DDC: variants seen among roughly 807,000 people sequenced by gnomAD.
DDC encodes the protein aromatic-L-amino-acid decarboxylase.
DDC carries 43 observed loss-of-function variants against 60.0 expected under a neutral mutation model. The ratio of observed to expected loss-of-function variants is 0.72; its 90% CI spans 0.56 to 0.92. The LOEUF is 0.92. Among genes scored for constraint, DDC ranks in the 40% least tolerant of loss-of-function variants. The probability of loss-of-function intolerance (pLI) is 0.00; values close to 1 mark genes in which losing one functional copy is unlikely to be tolerated. For missense variants in DDC, 573 were observed against 620.2 expected, an observed-to-expected ratio of 0.92 and a Z score of 0.81; for synonymous variants, 232 against 234.6, an observed-to-expected ratio of 0.99 and a Z score of 0.10.
At chr7:50,555,749 C>A (rs2045162854) in intron 1 of DDC, among the ~76,000 whole-genome samples, 2 of 152,166 alleles carry the variant, frequency 1.3e-5, no homozygotes, top group African/African-American at 4.8e-5. Context: ...ACTACTATTA[C>A]TCCCTTTAAC....
intron 6 of DDC, among the ~76,000 whole-genome samples, chr7:50,520,792 T>A (rs1186959671): frequency 6.6e-6 from 1 of 152,094 alleles, no homozygotes. Flanking sequence ...TGCATGCCTG[T>A]AGTCCCAGAT....
intron 1 of DDC, among the ~76,000 whole-genome samples, chr7:50,556,302 G>C (rs2045185165): frequency 6.6e-6 from 1 of 152,170 alleles, no homozygotes; most frequent in Non-Finnish European, 1.5e-5. Flanking sequence ...TATCTGGTGA[G>C]GCTTGTTTCT....
chr7:50,488,169 A>G (rs912164731), intron 9 of DDC, among the ~76,000 whole-genome samples: 2 of 152,060 alleles, frequency 1.3e-5, no homozygotes, highest in African/African-American at 4.8e-5. Context: ...TTAGATAAAT[A>G]TAATAGAATA....
At chr7:50,508,098 C>T (rs1326372518) in intron 6 of DDC, among the ~76,000 whole-genome samples, 2 of 152,212 alleles carry the variant, frequency 1.3e-5, no homozygotes, top group South Asian at 4.1e-4. Flanking sequence ...GCCAGAGGCC[C>T]CTCCAACAAA....
At chr7:50,530,238 G>C (rs1355466065) in intron 4 of DDC, among the ~76,000 whole-genome samples, 1 of 152,100 alleles carries the variant, frequency 6.6e-6, no homozygotes, top group Non-Finnish European at 1.5e-5. Flanking sequence ...CTGGGCGACA[G>C]AGTGAGACCC....
chr7:50,495,043 A>G lies in DDC; in HGVS notation c.944+307T>C, dbSNP rs116132779. Among the ~76,000 whole-genome samples the G allele has an allele frequency of 7.5e-3, 1,149 of 152,330 alleles. 12 individuals are homozygous for G. Among genetic ancestry groups the G allele is most frequent in the African/African-American group, 0.025 (1,044 of 41,562 alleles). ...AAGACTGGTTACGAATCTAAGAATGAAAACACAAGCTACTGAATTAGAAGT... is the reference window on the plus strand; with the variant it reads ...AAGACTGGTTACGAATCTAAGAATGGAAACACAAGCTACTGAATTAGAAGT... On this transcript the variant is annotated intron_variant, in intron 9 of 14. Transcript: ENST00000444124.
chr7:50,529,641 C>T (rs1440792818), intron 4 of DDC, among the ~76,000 whole-genome samples: 4 of 152,206 alleles, frequency 2.6e-5, no homozygotes, highest in Non-Finnish European at 5.9e-5. Context: ...GGACTGCCCC[C>T]AGCCTGGCCT....
intron 6 of DDC, among the ~76,000 whole-genome samples, chr7:50,518,463 G>A (rs1273526480): frequency 1.3e-5 from 2 of 152,098 alleles, no homozygotes; most frequent in Non-Finnish European, 2.9e-5. Flanking sequence ...AAATCTGGAG[G>A]CATCACACTA....
chr7:50,513,083 G>C (rs772720174), intron 6 of DDC, among the ~76,000 whole-genome samples: 2 of 152,148 alleles, frequency 1.3e-5, no homozygotes, highest in African/African-American at 4.8e-5. Flanking sequence ...CAGCAATCCC[G>C]AGAGGACCCA....
chr7:50,557,837 A>C (rs188136506), intron 1 of DDC, among the ~76,000 whole-genome samples: 14 of 152,286 alleles, frequency 9.2e-5, no homozygotes, highest in Admixed American at 9.2e-4. Context: ...CTTTTTGAAA[A>C]ACTGGAATGA....
At chr7:50,492,306 CA>C (rs1461079511) in intron 9 of DDC, among the ~76,000 whole-genome samples, 1 of 152,192 alleles carries the variant, frequency 6.6e-6, no homozygotes, top group Non-Finnish European at 1.5e-5. Flanking sequence ...ACAAATCTTT[CA>C]AAGATCAGAT....
At chr7:50,497,600 C>T (rs1473811588) in intron 8 of DDC, among the ~76,000 whole-genome samples, 1 of 152,150 alleles carries the variant, frequency 6.6e-6, no homozygotes, top group African/African-American at 2.4e-5. Flanking sequence ...GAGATTTACT[C>T]TTCGTTTCCC....
At chr7:50,545,484 T>A (rs117666129) in intron 1 of DDC, among the ~76,000 whole-genome samples, 2,713 of 152,368 alleles carry the variant, frequency 0.018, 166 homozygotes, top group Admixed American at 0.11. Context: ...ATGTGTTTAT[T>A]TTTTTGAAAC....
intron 9 of DDC, 26 bp downstream of exon 9, chr7:50,495,324 T>G: frequency 1.3e-6 from 2 of 1,583,172 alleles, no homozygotes; most frequent in Non-Finnish European, 1.7e-6. Context: ...GACAGGCAAC[T>G]GACATCTGTG....
At chr7:50,547,836 G>C (rs987603728) in intron 1 of DDC, among the ~76,000 whole-genome samples, 2 of 152,188 alleles carry the variant, frequency 1.3e-5, no homozygotes, top group African/African-American at 4.8e-5. Flanking sequence ...AACAAAAATC[G>C]TGACAATAAT....
At position 50,479,537 on chromosome 7, in the gene DDC, C is replaced by T. The variant is rs560352102; in HGVS notation, c.1021+250G>A. On this transcript the variant is annotated intron_variant, in intron 10 of 14. Transcript: ENST00000444124. ...TGGCTGTGCCCACCTGCCCCTGCTC[C>T]TGCAATGAGCCCAGCAGGTTCTCAG... Among the ~76,000 whole-genome samples the T allele has an allele frequency of 1.4e-4, 22 of 152,280 alleles. No homozygotes were observed. The South Asian group carries it at 4.3e-3, about 30-fold the overall frequency.
chr7:50,526,962 T>G (rs1308140056), intron 6 of DDC, among the ~76,000 whole-genome samples: 1 of 152,222 alleles, frequency 6.6e-6, no homozygotes, highest in African/African-American at 2.4e-5. Context: ...CTTCAAAATA[T>G]GTACACAATT....
At chr7:50,511,319 T>G (rs2043572559) in intron 6 of DDC, among the ~76,000 whole-genome samples, 1 of 110 alleles carries the variant, frequency 9.1e-3, no homozygotes, top group Non-Finnish European at 0.017. Flanking sequence ...AATTATACTT[T>G]TATATAATAT....
intron 1 of DDC, among the ~76,000 whole-genome samples, chr7:50,548,356 G>A (rs1036763095): frequency 2.2e-4 from 33 of 152,198 alleles, no homozygotes; most frequent in Admixed American, 2.1e-3. Context: ...CAAAAGTGAA[G>A]CCAAACAGTT....
Sources: gnomAD v4.1 joint callset for allele counts (sites outside exome capture counted in the v4.1 genomes callset) on GRCh38, gnomAD v4.1.1 for gene constraint, MANE v1.5 for transcripts, NCBI Gene and HGNC (gene_info 2026-07-23, HGNC 2026-07-21) for gene names.